TMEM123: variants seen among roughly 807,000 people sequenced by gnomAD.
TMEM123 encodes the protein porimin.
TMEM123 carries 16 observed loss-of-function variants against 19.7 expected under a neutral mutation model. That is an observed-to-expected ratio of 0.81 (90% CI 0.55 to 1.23). The LOEUF (loss-of-function observed/expected upper bound fraction) is 1.23, where lower values mean the gene tolerates loss of function less well. Among genes scored for constraint, TMEM123 ranks in the 50% most tolerant of loss-of-function variants. The probability of loss-of-function intolerance (pLI) is 0.00; values close to 1 mark genes in which losing one functional copy is unlikely to be tolerated. For missense variants in TMEM123, 313 were observed against 257.8 expected (o/e 1.21, Z -1.47); for synonymous variants, 118 against 99.4 (o/e 1.19, Z -1.12).
chr11:102,427,941 T>C lies in TMEM123; in HGVS notation c.157+20871A>G, dbSNP rs1952143594. Among the ~76,000 whole-genome samples the C allele has an allele frequency of 2.6e-5, 4 of 152,016 alleles. No homozygotes were observed. The South Asian group carries it at 8.3e-4, about 32-fold the overall frequency. Reference sequence around the variant, plus strand: ...ATTTACTCTGAGATTCAGAAAAGAATATACATATCTTATAAAAATTATCAC... The same window carrying C: ...ATTTACTCTGAGATTCAGAAAAGAACATACATATCTTATAAAAATTATCAC... On this transcript the variant is annotated intron_variant, in intron 2 of 4. Transcript: ENST00000398136.
At chr11:102,404,334 A>G (rs1464273418) in intron 2 of TMEM123, among the ~76,000 whole-genome samples, 1 of 152,214 alleles carries the variant, frequency 6.6e-6, no homozygotes, top group Non-Finnish European at 1.5e-5. Flanking sequence ...CCCAGGCTGG[A>G]GTGCAGTGGC....
chr11:102,432,691 G>T (rs1458553835), intron 2 of TMEM123, among the ~76,000 whole-genome samples: 1 of 152,244 alleles, frequency 6.6e-6, no homozygotes, highest in East Asian at 1.9e-4. Flanking sequence ...TGTCTCCAGG[G>T]CATGTCAGAT....
intron 2 of TMEM123, among the ~76,000 whole-genome samples, chr11:102,409,048 CCTTTAA>C: frequency 6.6e-6 from 1 of 152,074 alleles, no homozygotes. Context: ...ATATTATTCT[CCTTTAA>C]CCTAAATATC....
At chr11:102,418,311 A>T (rs1263888374) in intron 2 of TMEM123, among the ~76,000 whole-genome samples, 1 of 152,214 alleles carries the variant, frequency 6.6e-6, no homozygotes, top group African/African-American at 2.4e-5. Flanking sequence ...AATATCTAGA[A>T]TCTATAAGAA....
intron 2 of TMEM123, among the ~76,000 whole-genome samples, chr11:102,447,834 A>G (rs1007076076): frequency 6.6e-6 from 1 of 152,234 alleles, no homozygotes; most frequent in Non-Finnish European, 1.5e-5. Flanking sequence ...ATAATGAAAC[A>G]AAGAACAGCA....
chr11:102,416,784 A>G (rs1952046211), intron 2 of TMEM123, among the ~76,000 whole-genome samples: 1 of 152,202 alleles, frequency 6.6e-6, no homozygotes, highest in Non-Finnish European at 1.5e-5. Flanking sequence ...CAGCACATCA[A>G]AAAGCTAATC....
intron 2 of TMEM123, among the ~76,000 whole-genome samples, chr11:102,431,131 G>C (rs906019166): frequency 1.3e-5 from 2 of 151,892 alleles, no homozygotes; most frequent in African/African-American, 2.4e-5. Flanking sequence ...TATGTCATTG[G>C]ATTAAAAAAG....
intron 2 of TMEM123, among the ~76,000 whole-genome samples, chr11:102,425,670 AC>A (rs1952120967): frequency 6.7e-6 from 1 of 149,166 alleles, no homozygotes; most frequent in Non-Finnish European, 1.5e-5. Flanking sequence ...TGTAGCCTCA[AC>A]CTCCCAGGCT....
intron 2 of TMEM123, among the ~76,000 whole-genome samples, chr11:102,426,178 A>G (rs1952124840): frequency 1.3e-5 from 2 of 152,172 alleles, no homozygotes; most frequent in Admixed American, 1.3e-4. Context: ...GGTCAGCTGG[A>G]TTTTGGCAGC....
intron 2 of TMEM123, among the ~76,000 whole-genome samples, chr11:102,421,444 G>A (rs1420466212): frequency 6.6e-6 from 1 of 152,008 alleles, no homozygotes. Flanking sequence ...ATAAGCATGT[G>A]TAATGTGCAG....
Position 102,432,955 on chromosome 11 carries a change from G to A in TMEM123, c.157+15857C>T, listed in dbSNP as rs527238959. 5.7e-4 allele frequency among the ~76,000 whole-genome samples: 86 copies of A among 150,126 alleles called. 1 individual carries two copies. Among genetic ancestry groups the A allele is most frequent in the African/African-American group, 1.9e-3 (80 of 41,372 alleles). ...TGTGGGTGCACAGAAGTCAAGAATT[G>A]AGGTTTGGGAACCTCTGACTGGATT... is the stretch of plus-strand genomic sequence containing the variant. On this transcript the variant is annotated intron_variant, in intron 2 of 4. Coordinates refer to ENST00000398136, the MANE Select transcript of TMEM123 (RefSeq NM_052932.3).
At chr11:102,444,106 A>AC (rs1489039775) in intron 2 of TMEM123, among the ~76,000 whole-genome samples, 7 of 152,220 alleles carry the variant, frequency 4.6e-5, no homozygotes, top group Non-Finnish European at 1.0e-4. Context: ...GTGGGAGGGT[A>AC]AAGTAGTTCA....
intron 2 of TMEM123, among the ~76,000 whole-genome samples, chr11:102,424,622 G>A (rs1952111355): frequency 6.6e-6 from 1 of 152,142 alleles, no homozygotes; most frequent in African/African-American, 2.4e-5. Context: ...CCAGGAGGCG[G>A]AGTCTGCAAT....
chr11:102,426,868 C>G lies in TMEM123; in HGVS notation c.157+21944G>C, dbSNP rs1032538537. Among the ~76,000 whole-genome samples, 2 of 80,702 alleles carry G rather than the reference C, an allele frequency of 2.5e-5. 1 individual carries two copies. Among genetic ancestry groups the G allele is most frequent in the Non-Finnish European group, 5.1e-5 (2 of 39,204 alleles). The allele number at this position is 80,702 out of a possible 152,430, so 52.9% of individuals were successfully genotyped here. A position where few individuals can be genotyped will look rare whatever the true frequency, so the allele number is the denominator to read the frequency against. On this transcript the variant is annotated intron_variant, in intron 2 of 4. Transcript: ENST00000398136. ...ATGTTTTTAAAGTAGTTCCCCCCCCCCCCCCATTTATTGCTCAAAATCCAC... is the reference window on the plus strand; with the variant it reads ...ATGTTTTTAAAGTAGTTCCCCCCCCGCCCCCATTTATTGCTCAAAATCCAC...
rs1347964985 is a variant in TMEM123, at chr11:102,397,542, G to C, written c.*1325C>G. The C allele has an allele frequency of 6.6e-6, 1 of 152,126 alleles. No individual in the cohort carries two copies. The highest frequency in any genetic ancestry group is 2.4e-5 in the African/African-American group (1 of 41,436). 9.4% of individuals were successfully genotyped at this position (152,126 alleles called of 1,614,324 possible). A position where few individuals can be genotyped will look rare whatever the true frequency, so the allele number is the denominator to read the frequency against. On this transcript the variant is annotated 3_prime_UTR_variant, in exon 5 of 5. Transcript: ENST00000398136. ...AATATTGGTGTCTCTACAATACTGT[G>C]CTTTTTCTCTCCATTAACATAATGC... is the stretch of plus-strand genomic sequence containing the variant.
intron 2 of TMEM123, among the ~76,000 whole-genome samples, chr11:102,436,297 G>C (rs560996836): frequency 3.9e-5 from 6 of 151,942 alleles, no homozygotes. Context: ...AGAGTAGCTG[G>C]GACTACAGGC....
At position 102,397,992 on chromosome 11, in the gene TMEM123, T is replaced by C. The variant is rs1844989804; in HGVS notation, c.*875A>G. 6.6e-6 allele frequency: 1 copy of C among 152,136 alleles called. No individual in the cohort carries two copies. Among genetic ancestry groups the C allele is most frequent in the South Asian group, 2.1e-4 (1 of 4,824 alleles). 9.4% of individuals were successfully genotyped at this position (152,136 alleles called of 1,614,324 possible). On this transcript the variant is annotated 3_prime_UTR_variant, in exon 5 of 5. Coordinates refer to ENST00000398136, the MANE Select transcript of TMEM123 (RefSeq NM_052932.3). ...CAGTTCTTAAAATATTCACAAAATA[T>C]AAAATTAAAATTAAATGAACTAAAG...
At chr11:102,403,558 T>C (rs1951930707) in intron 2 of TMEM123, among the ~76,000 whole-genome samples, 1 of 152,250 alleles carries the variant, frequency 6.6e-6, no homozygotes, top group African/African-American at 2.4e-5. Flanking sequence ...AATATATTTC[T>C]GTATTCATTT....
chr11:102,414,319 A>G (rs1410803116), intron 2 of TMEM123, among the ~76,000 whole-genome samples: 1 of 152,204 alleles, frequency 6.6e-6, no homozygotes. Context: ...CTCACTAAAG[A>G]GGTCAACTTT....
Sources: gnomAD v4.1 joint callset for allele counts (sites outside exome capture counted in the v4.1 genomes callset) on GRCh38, gnomAD v4.1.1 for gene constraint, MANE v1.5 for transcripts, NCBI Gene and HGNC (gene_info 2026-07-23, HGNC 2026-07-21) for gene names.